Variants in WDR25 observed in about 807,000 individuals in gnomAD.
WDR25 encodes WD repeat-containing protein 25.
Under a neutral mutation model 47.7 loss-of-function variants are expected in WDR25, and 35 were observed. The observed-to-expected ratio is 0.73, with a 90% CI of 0.56 to 0.97. The LOEUF is 0.97. Ranked by LOEUF, WDR25 falls within the 50% of genes least tolerant of loss-of-function variation. The probability of loss-of-function intolerance (pLI) is 0.00; values close to 1 mark genes in which losing one functional copy is unlikely to be tolerated. For synonymous variants in WDR25, 248 were observed against 278.9 expected, an observed-to-expected ratio of 0.89 and a Z score of 1.10; for missense variants, 634 against 704.7, an observed-to-expected ratio of 0.90 and a Z score of 1.14.
chr14:100,461,986 A>G (rs2140285693), intron 2 of WDR25, among the ~76,000 whole-genome samples: 1 of 151,752 alleles, frequency 6.6e-6, no homozygotes, highest in South Asian at 2.1e-4. Context: ...CAACAATCCT[A>G]TAGCTGTTTC....
chr14:100,514,573 C>A (rs1901430025), intron 4 of WDR25, among the ~76,000 whole-genome samples: 1 of 151,928 alleles, frequency 6.6e-6, no homozygotes, highest in South Asian at 2.1e-4. Context: ...TGATTGTCTG[C>A]ATTTAAGTCA....
At chr14:100,403,848 T>A (rs1034943405) in intron 2 of WDR25, among the ~76,000 whole-genome samples, 3 of 152,130 alleles carry the variant, frequency 2.0e-5, no homozygotes, top group Admixed American at 2.0e-4. Context: ...TCGAGATGAT[T>A]GCAGTGATCA....
chr14:100,429,876 T>C (rs1196519439), intron 2 of WDR25, among the ~76,000 whole-genome samples: 2 of 152,078 alleles, frequency 1.3e-5, no homozygotes, highest in African/African-American at 2.4e-5. Context: ...CCTGTAAAGA[T>C]AGTAATCCTG....
At position 100,499,026 on chromosome 14, in the gene WDR25, C is replaced by T. The variant is rs1024333010; in HGVS notation, c.1101+14902C>T. 3.3e-5 allele frequency among the ~76,000 whole-genome samples: 5 copies of T among 152,112 alleles called. No homozygotes were observed. The highest frequency in any genetic ancestry group is 5.9e-5 in the Non-Finnish European group (4 of 68,024). ...GAGACCTGGAGACCCAAGTGCTGCCCATGACTTCAGAATGGAGGGTGAGGT... is the reference window on the plus strand; with the variant it reads ...GAGACCTGGAGACCCAAGTGCTGCCTATGACTTCAGAATGGAGGGTGAGGT... On this transcript the variant is annotated intron_variant, in intron 4 of 6. Transcript: ENST00000402312. The surrounding 1 kb of genome is among the most constrained non-coding windows in gnomAD (Gnocchi z 4.4).
chr14:100,398,132 C>T (rs1268437585), intron 2 of WDR25, among the ~76,000 whole-genome samples: 4 of 152,224 alleles, frequency 2.6e-5, no homozygotes, highest in Admixed American at 6.5e-5. Flanking sequence ...ACCACCACAC[C>T]CGGCCTGGAG....
chr14:100,387,075 TC>T (rs1172290231), intron 2 of WDR25, among the ~76,000 whole-genome samples: 1 of 151,684 alleles, frequency 6.6e-6, no homozygotes, highest in Non-Finnish European at 1.5e-5. Context: ...ACTTAGCCTC[TC>T]TGATCCCCTA....
intron 4 of WDR25, among the ~76,000 whole-genome samples, chr14:100,510,706 A>C (rs922743157): frequency 2.0e-5 from 3 of 150,778 alleles, no homozygotes; most frequent in African/African-American, 7.5e-5. Context: ...ATTGCACTCC[A>C]GCCTGGGTGA....
intron 4 of WDR25, among the ~76,000 whole-genome samples, chr14:100,515,671 C>G (rs1222814301): frequency 2.0e-5 from 3 of 152,106 alleles, no homozygotes; most frequent in Non-Finnish European, 4.4e-5. Context: ...CTCTGTCACC[C>G]AGGCTGGAGT....
intron 2 of WDR25, among the ~76,000 whole-genome samples, chr14:100,464,469 C>T (rs552451457): frequency 1.1e-4 from 17 of 152,222 alleles, no homozygotes; most frequent in Admixed American, 3.9e-4. Context: ...AGATTTTTGT[C>T]TTATTTGTTT....
chr14:100,422,159 G>A lies in WDR25; in HGVS notation c.822+40413G>A, dbSNP rs117256254. Among the ~76,000 whole-genome samples, 187 of 152,318 alleles carry A rather than the reference G, an allele frequency of 1.2e-3. 4 individuals carry two copies. The East Asian group carries it at 0.025, about 20-fold the overall frequency. On this transcript the variant is annotated intron_variant, in intron 2 of 6. Transcript: ENST00000402312. ...TCATCTCTGCTCCACTTGGTATCATGTGGGGCAGCTCAAAGGCTAGAAATG... is the reference window on the plus strand; with the variant it reads ...TCATCTCTGCTCCACTTGGTATCATATGGGGCAGCTCAAAGGCTAGAAATG...
At chr14:100,434,796 G>A (rs1898450446) in intron 2 of WDR25, among the ~76,000 whole-genome samples, 1 of 152,126 alleles carries the variant, frequency 6.6e-6, no homozygotes, top group African/African-American at 2.4e-5. Flanking sequence ...TCATTAGTCT[G>A]TGTTTTTTCC....
At chr14:100,512,768 G>A (rs189915795) in intron 4 of WDR25, among the ~76,000 whole-genome samples, 120 of 152,256 alleles carry the variant, frequency 7.9e-4, no homozygotes, top group African/African-American at 2.7e-3. Context: ...TACCCAAGCT[G>A]TTGATATATT....
At chr14:100,435,704 T>C (rs2140238587) in intron 2 of WDR25, among the ~76,000 whole-genome samples, 1 of 151,956 alleles carries the variant, frequency 6.6e-6, no homozygotes, top group East Asian at 1.9e-4. Flanking sequence ...GGCTGAGCGG[T>C]GAGGTTAACA....
intron 4 of WDR25, among the ~76,000 whole-genome samples, chr14:100,524,001 G>A (rs2029988076): frequency 1.3e-5 from 2 of 152,104 alleles, no homozygotes; most frequent in African/African-American, 4.8e-5. Context: ...CACTTCAAAG[G>A]CCAGCCTTCC....
chr14:100,524,301 C>G (rs2030005296), intron 4 of WDR25, among the ~76,000 whole-genome samples: 1 of 151,898 alleles, frequency 6.6e-6, no homozygotes, highest in African/African-American at 2.4e-5. Flanking sequence ...ATGTGAACCC[C>G]CCAGCCAAGG....
intron 2 of WDR25, among the ~76,000 whole-genome samples, chr14:100,459,894 GTATATA>G (rs61706956): frequency 0.016 from 1,247 of 78,218 alleles, 54 homozygotes; most frequent in African/African-American, 0.04. Context: ...GTGTGTGTGT[GTATATA>G]TATATATATA....
intron 2 of WDR25, among the ~76,000 whole-genome samples, chr14:100,427,519 A>G (rs2895869): frequency 0.68 from 102,922 of 152,082 alleles, 37,171 homozygotes; most frequent in East Asian, 0.92. Context: ...CTGTGAGGCA[A>G]GAGTCCTGGT....
intron 2 of WDR25, among the ~76,000 whole-genome samples, chr14:100,427,276 G>GC (rs1566905161): frequency 6.6e-6 from 1 of 151,988 alleles, no homozygotes; most frequent in African/African-American, 2.4e-5. Context: ...AGCCCTCCAT[G>GC]CCCCCCAGCT....
rs201375866 is a variant in WDR25 at position 100,529,102 on chromosome 14, C to T, written c.1307C>T (p.Pro436Leu). ...ACCTGCCCCAGCCTCGCCTTGCACC[C>T]GAGAGAGCCCGTGTTCCTGGCACAG... ...RFTCPSLALH[P>L]REPVFLAQTN... The change falls in exon 6 of 7, where the codon CCG becomes CTG. Residue 436 changes from proline to leucine, a missense_variant. Pro to Leu is a moderately conservative substitution (Grantham distance 98, BLOSUM62 -3). Transcript: ENST00000402312. The surrounding 1 kb of genome is among the most constrained non-coding windows in gnomAD (Gnocchi z 5.1). The T allele has an allele frequency of 5.7e-6, 9 of 1,574,100 alleles. No individual in the cohort carries two copies. Among genetic ancestry groups the T allele is most frequent in the African/African-American group, 1.3e-5 (1 of 74,210 alleles).
Sources: allele counts gnomAD v4.1 joint callset (sites outside exome capture counted in the v4.1 genomes callset), GRCh38; gene constraint gnomAD v4.1.1; non-coding constraint Gnocchi (gnomAD v3.1); transcripts MANE v1.5; gene names NCBI Gene and HGNC (gene_info 2026-07-23, HGNC 2026-07-21).